AHNAK: variants seen among roughly 807,000 people sequenced by gnomAD.
AHNAK encodes neuroblast differentiation-associated protein AHNAK.
A neutral mutation model predicts 37.8 loss-of-function variants in AHNAK; 23 were observed. The ratio of observed to expected loss-of-function variants is 0.61; its 90% CI spans 0.44 to 0.86. AHNAK has a LOEUF of 0.86. AHNAK is among the 40% of genes least tolerant of loss of function. The pLI is 0.00. For missense variants in AHNAK, 7,411 were observed against 7,319.4 expected (o/e 1.01, Z -0.46); for synonymous variants, 2,481 against 2,636.3 (o/e 0.94, Z 1.80).
At chr11:62,477,047 A>G (rs191128046) in intron 5 of AHNAK, among the ~76,000 whole-genome samples, 1 of 152,270 alleles carries the variant, frequency 6.6e-6, no homozygotes, top group East Asian at 1.9e-4. Context: ...TTGTACTACG[A>G]AGTTTTGCCT....
chr11:62,494,374 AT>A (rs140816090), intron 4 of AHNAK, among the ~76,000 whole-genome samples: 6 of 151,754 alleles, frequency 4.0e-5, no homozygotes, highest in East Asian at 1.9e-4. Context: ...GAAGGAAGGA[AT>A]TTTTTTTTAA....
Position 62,519,029 on chromosome 11 carries a change from G to A in AHNAK, c.15388C>T (p.His5130Tyr). The A allele has an allele frequency of 6.2e-7, 1 of 1,613,208 alleles. No homozygotes were observed. The highest frequency in any genetic ancestry group is 1.7e-5 in the Admixed American group (1 of 59,942). ...PDLELSLPAI[H>Y]VEGLDIKAKA... is the part of the protein sequence containing the mutation. The stretch of plus-strand genomic sequence containing the variant: ...GCCTTGATGTCAAGACCTTCGACGT[G>A]AATCGCTGGCAAAGAAAGTTCCAGA... Residue 5130 changes from histidine to tyrosine, a missense_variant, in exon 5 of 5, where the codon CAC becomes TAC. Transcript: ENST00000378024.
rs188823866 is a variant in AHNAK, at chr11:62,503,362, G to A, written c.343-11531C>T. ...CCAGCACTTTGGGAGGCCAAGGCGG[G>A]GGGATCCTGGGTAAGGAGTTCGAGA... On this transcript the variant is annotated intron_variant, in intron 4 of 5. Coordinates refer to the AHNAK transcript ENST00000257247. 5.0e-3 allele frequency among the ~76,000 whole-genome samples: 761 copies of A among 152,330 alleles called. 4 individuals are homozygous for A. Among genetic ancestry groups the A allele is most frequent in the Non-Finnish European group, 9.0e-3 (612 of 68,026 alleles).
intron 5 of AHNAK, among the ~76,000 whole-genome samples, chr11:62,474,724 C>T (rs1939107831): frequency 6.6e-6 from 1 of 152,138 alleles, no homozygotes; most frequent in African/African-American, 2.4e-5. Context: ...GTGAGCTGGA[C>T]ATTTAGTCAG....
At chr11:62,436,839 T>C (rs897430497) in intron 5 of AHNAK, among the ~76,000 whole-genome samples, 1 of 151,666 alleles carries the variant, frequency 6.6e-6, no homozygotes, top group African/African-American at 2.4e-5. Context: ...CTCGGGAAAC[T>C]GAGGCAGGAG....
At chr11:62,537,288 G>C (rs1940980902) in intron 1 of AHNAK, 1 of 152,172 alleles carries the variant, frequency 6.6e-6, no homozygotes, top group Non-Finnish European at 1.5e-5. Flanking sequence ...ACAGGGTCTG[G>C]CTCTGTCACA....
chr11:62,477,938 G>A (rs1168280930), intron 5 of AHNAK, among the ~76,000 whole-genome samples: 2 of 152,120 alleles, frequency 1.3e-5, no homozygotes, highest in Non-Finnish European at 2.9e-5. Context: ...TGGCCAAGGA[G>A]TAACATGTGT....
intron 5 of AHNAK, among the ~76,000 whole-genome samples, chr11:62,443,635 A>C (rs928057461): frequency 6.6e-6 from 1 of 151,618 alleles, no homozygotes; most frequent in Non-Finnish European, 1.5e-5. Flanking sequence ...GCAGCCCCTC[A>C]CTCACCCTCT....
At chr11:62,514,146 G>T (rs1304066592), downstream of AHNAK, among the ~76,000 whole-genome samples, 2 of 152,068 alleles carry the variant, frequency 1.3e-5, no homozygotes, top group African/African-American at 4.8e-5. Context: ...CTCCTCAGAG[G>T]ACTTTCCAGC....
At chr11:62,489,153 A>G (rs1207781283) in intron 5 of AHNAK, among the ~76,000 whole-genome samples, 2 of 151,032 alleles carry the variant, frequency 1.3e-5, no homozygotes, top group African/African-American at 2.4e-5. Flanking sequence ...AGGCAGGAGG[A>G]TTGCTTGAAC....
In AHNAK at chr11:62,519,166, A is replaced by G; in HGVS notation, c.15251T>C (p.Met5084Thr). The G allele has an allele frequency of 4.3e-6, 7 of 1,613,094 alleles. No individual in the cohort carries two copies. Among genetic ancestry groups the G allele is most frequent in the Non-Finnish European group, 5.9e-6 (7 of 1,179,772 alleles). ...ATCTGGGAAGTACATTTTTCCAAAC[A>G]TCGTTTTCTTGGTTTTGGGCGATTT... ...DVKSPKTKKTMFGKMYFPDVE... is the reference protein window; with the variant it reads ...DVKSPKTKKTTFGKMYFPDVE... The change falls in exon 5 of 5, where the codon ATG becomes ACG. Residue 5084 changes from methionine (M) to threonine (T), a missense_variant. Transcript: ENST00000378024.
intron 4 of AHNAK, among the ~76,000 whole-genome samples, chr11:62,493,128 T>C (rs1287224346): frequency 1.3e-5 from 2 of 148,244 alleles, no homozygotes; most frequent in Non-Finnish European, 3.0e-5. Flanking sequence ...TTCTCCTGCC[T>C]CAGCCTCCCA....
chr11:62,505,550 T>C (rs1291487358), intron 4 of AHNAK, among the ~76,000 whole-genome samples: 2 of 152,092 alleles, frequency 1.3e-5, no homozygotes, highest in African/African-American at 4.8e-5. Flanking sequence ...GAGGGATTTA[T>C]GGAGACAGGG....
chr11:62,476,446 C>T (rs987690178), intron 5 of AHNAK, among the ~76,000 whole-genome samples: 1 of 149,460 alleles, frequency 6.7e-6, no homozygotes, highest in Non-Finnish European at 1.5e-5. Context: ...AGCGTCGTGG[C>T]GCCAGCCATT....
intron 5 of AHNAK, among the ~76,000 whole-genome samples, chr11:62,455,199 C>T (rs1236777571): frequency 1.3e-5 from 2 of 151,590 alleles, no homozygotes; most frequent in Non-Finnish European, 1.5e-5. Context: ...TCCCAAAGTG[C>T]TGGGATTACA....
chr11:62,484,924 G>A (rs888468226), intron 5 of AHNAK, among the ~76,000 whole-genome samples: 13 of 152,132 alleles, frequency 8.5e-5, no homozygotes, highest in African/African-American at 3.1e-4. Context: ...AGGGTAGCTG[G>A]GATTACAGGC....
At chr11:62,506,370 A>T (rs957298809) in intron 4 of AHNAK, among the ~76,000 whole-genome samples, 1 of 151,978 alleles carries the variant, frequency 6.6e-6, no homozygotes, top group Non-Finnish European at 1.5e-5. Flanking sequence ...GAAGACTGAG[A>T]TCCTTCTACT....
At chr11:62,440,812 G>T (rs1402074313) in intron 5 of AHNAK, among the ~76,000 whole-genome samples, 2 of 151,858 alleles carry the variant, frequency 1.3e-5, no homozygotes, top group Non-Finnish European at 2.9e-5. Context: ...AGTTATAGTG[G>T]GGGTTCACAT....
chr11:62,530,914 T>A lies in AHNAK; in HGVS notation c.3503A>T (p.Asp1168Val). ...CCCTTCTGGACCTTCGAGGCTCACA[T>A]CTGGGGCTTCGATGTCCACCTTGGG... ...SGPKVDIEAP[D>V]VSLEGPEGKL... Residue 1168 changes from aspartate to valine, a missense_variant, in exon 5 of 5, where the codon GAT (aspartate) becomes GTT (valine). Asp to Val is a radical substitution (Grantham distance 152). Transcript: ENST00000378024. 1.2e-6 allele frequency: 2 copies of A among 1,613,806 alleles called. No homozygotes were observed. The highest frequency in any genetic ancestry group is 1.7e-6 in the Non-Finnish European group (2 of 1,179,974).
Sources: allele counts gnomAD v4.1 joint callset (sites outside exome capture counted in the v4.1 genomes callset), GRCh38; gene constraint gnomAD v4.1.1; transcripts MANE v1.5; gene names NCBI Gene and HGNC (gene_info 2026-07-23, HGNC 2026-07-21).